The following SNTG1 variants were observed in gnomAD, a reference collection of about 807,000 sequenced individuals.
SNTG1 encodes the protein gamma-1-syntrophin.
A neutral mutation model predicts 74.7 loss-of-function variants in SNTG1; 39 were observed. The observed-to-expected ratio is 0.52, with a 90% confidence interval of 0.40 to 0.68. The LOEUF (loss-of-function observed/expected upper bound fraction) is 0.68. SNTG1 is among the 30% of genes least tolerant of loss of function. The probability of loss-of-function intolerance (pLI) is 0.00; values close to 1 mark genes in which losing one functional copy is unlikely to be tolerated. For synonymous variants in SNTG1, 254 were observed against 217.1 expected (o/e 1.17, Z -1.49); for missense variants, 685 against 609.5 (o/e 1.12, Z -1.30).
chr8:50,167,479 G>A (rs892939718), intron 1 of SNTG1, among the ~76,000 whole-genome samples: 1 of 151,670 alleles, frequency 6.6e-6, no homozygotes, highest in African/African-American at 2.4e-5. Context: ...TCTGGACCGT[G>A]ATTATATGTA....
Position 50,549,965 on chromosome 8 carries a change from G to A in SNTG1, c.681-3085G>A, listed in dbSNP as rs553154954. ...CATAGAACTTCAGCCATATGTGAAA[G>A]TACCGGGATCCACCAATTACTCATC... On this transcript the variant is annotated intron_variant, in intron 11 of 18. Coordinates refer to ENST00000642720, the MANE Select transcript of SNTG1 (RefSeq NM_018967.5). Among the ~76,000 whole-genome samples, 318 of 152,262 alleles carry A rather than the reference G, an allele frequency of 2.1e-3. 5 individuals carry two copies. The highest frequency in any genetic ancestry group is 7.2e-3 in the African/African-American group (301 of 41,566).
chr8:50,426,622 C>T (rs2093167136), intron 4 of SNTG1, among the ~76,000 whole-genome samples: 1 of 151,514 alleles, frequency 6.6e-6, no homozygotes, highest in Non-Finnish European at 1.5e-5. Context: ...TTACAATAGG[C>T]TAAAGTTAAT....
intron 2 of SNTG1, among the ~76,000 whole-genome samples, chr8:50,308,983 G>T (rs2090004677): frequency 1.3e-5 from 2 of 152,018 alleles, no homozygotes; most frequent in African/African-American, 4.8e-5. Flanking sequence ...ACACATCAAA[G>T]ATGACTTTGA....
At position 50,651,229 on chromosome 8, in the gene SNTG1, T is replaced by G. The variant is rs59394077; in HGVS notation, c.850-5680T>G. ...GCCTGCATCCAATACTTCCTTTTTT[T>G]TTGTTTTATTTTGGCTTTTGGGTCT... On this transcript the variant is annotated intron_variant, in intron 13 of 18. Coordinates refer to ENST00000642720, the MANE Select transcript of SNTG1 (RefSeq NM_018967.5). 3.2e-3 allele frequency among the ~76,000 whole-genome samples: 488 copies of G among 152,096 alleles called. 17 individuals carry two copies. The East Asian group carries it at 0.087, about 27-fold the overall frequency.
chr8:50,657,038 T>G lies in SNTG1; in HGVS notation c.966+13T>G. 8.2e-6 allele frequency: 12 copies of G among 1,459,380 alleles called. No individual in the cohort carries two copies. Among genetic ancestry groups the G allele is most frequent in the African/African-American group, 1.4e-5 (1 of 69,256 alleles). 90.4% of individuals were successfully genotyped at this position (1,459,380 alleles called of 1,614,324 possible). A position where few individuals can be genotyped will look rare whatever the true frequency, so the allele number is the denominator to read the frequency against. On this transcript the variant is annotated intron_variant, in intron 14 of 18. Coordinates refer to ENST00000642720, the MANE Select transcript of SNTG1 (RefSeq NM_018967.5). ...TCTGGCACCTCCAGTACGTGTTTTATTGAAATGTATTGGTCGTTTCCATAT... is the reference window on the plus strand; with the variant it reads ...TCTGGCACCTCCAGTACGTGTTTTAGTGAAATGTATTGGTCGTTTCCATAT...
chr8:50,399,210 AGT>A (rs5891363), intron 3 of SNTG1, among the ~76,000 whole-genome samples: 105,326 of 150,938 alleles, frequency 0.7, 36,815 homozygotes, highest in East Asian at 0.83. Context: ...TGTGTTTGTG[AGT>A]GTGTGTGTGT....
chr8:50,439,438 G>T (rs2093337351), intron 5 of SNTG1, among the ~76,000 whole-genome samples: 1 of 151,972 alleles, frequency 6.6e-6, no homozygotes, highest in African/African-American at 2.4e-5. Context: ...ATGGAAAGCA[G>T]AACTCTAAAT....
chr8:50,611,316 C>A (rs1043073800), intron 13 of SNTG1, among the ~76,000 whole-genome samples: 4 of 152,116 alleles, frequency 2.6e-5, no homozygotes, highest in Non-Finnish European at 4.4e-5. Context: ...CAACAGGAAG[C>A]TACAGGGCAA....
chr8:49,992,175 A>G (rs1341522402), intron 1 of SNTG1, among the ~76,000 whole-genome samples: 1 of 152,198 alleles, frequency 6.6e-6, no homozygotes, highest in East Asian at 1.9e-4. Flanking sequence ...AGACTTTCCA[A>G]ATTACATTAT....
At chr8:50,393,165 T>C (rs2092684973) in intron 2 of SNTG1, among the ~76,000 whole-genome samples, 1 of 152,120 alleles carries the variant, frequency 6.6e-6, no homozygotes, top group South Asian at 2.1e-4. Context: ...GGGAAATATT[T>C]AATAGATTAT....
In SNTG1 at chr8:50,362,363, G is replaced by A. The variant is rs962570076; in HGVS notation, c.-27-31849G>A. ...GTGAAATTATGTTCAATAAACTAACGCTGTAGCTTTGACCTGGAAAATGAA... is the reference window on the plus strand; with the variant it reads ...GTGAAATTATGTTCAATAAACTAACACTGTAGCTTTGACCTGGAAAATGAA... On this transcript the variant is annotated intron_variant, in intron 2 of 18. Coordinates refer to ENST00000642720, the MANE Select transcript of SNTG1 (RefSeq NM_018967.5). Among the ~76,000 whole-genome samples, 8 of 152,114 alleles carry A rather than the reference G, an allele frequency of 5.3e-5. No homozygotes were observed. In the East Asian group the frequency reaches 7.7e-4, roughly 15 times the overall value.
chr8:50,669,348 A>G (rs183475027), intron 15 of SNTG1, among the ~76,000 whole-genome samples: 2 of 152,150 alleles, frequency 1.3e-5, no homozygotes, highest in African/African-American at 4.8e-5. Context: ...ATAAAAAATG[A>G]TAAAGGGGAT....
intron 3 of SNTG1, among the ~76,000 whole-genome samples, chr8:50,399,980 CA>C (rs1227542329): frequency 6.6e-6 from 1 of 152,080 alleles, no homozygotes; most frequent in Non-Finnish European, 1.5e-5. Context: ...ATACCTTTTA[CA>C]AAATAATTCT....
At chr8:50,536,890 C>A in intron 11 of SNTG1, 82 bp downstream of exon 11, 2 of 1,479,556 alleles carry the variant, frequency 1.4e-6, no homozygotes, top group East Asian at 2.3e-5. Context: ...TATCACAATA[C>A]GCCTTATGAT....
intron 13 of SNTG1, among the ~76,000 whole-genome samples, chr8:50,632,537 T>C (rs1395579138): frequency 6.6e-6 from 1 of 152,126 alleles, no homozygotes; most frequent in Non-Finnish European, 1.5e-5. Context: ...CTGGAACTCC[T>C]GGCCTCAAGT....
At chr8:50,710,872 G>A (rs2095459670) in intron 17 of SNTG1, among the ~76,000 whole-genome samples, 2 of 152,132 alleles carry the variant, frequency 1.3e-5, no homozygotes, top group Non-Finnish European at 2.9e-5. Flanking sequence ...AAGCACCAGA[G>A]GCCTTCAGGA....
At chr8:50,506,100 A>T (rs1207906295) in intron 9 of SNTG1, among the ~76,000 whole-genome samples, 1 of 152,064 alleles carries the variant, frequency 6.6e-6, no homozygotes, top group Non-Finnish European at 1.5e-5. Context: ...TTAATTGAAG[A>T]GAAGACTATT....
rs187880467 is a variant in SNTG1 at position 50,378,037 on chromosome 8, C to G, written c.-27-16175C>G. 3.0e-3 allele frequency among the ~76,000 whole-genome samples: 460 copies of G among 152,346 alleles called. 8 individuals carry two copies. The highest frequency in any genetic ancestry group is 0.027 in the Admixed American group (406 of 15,304). On this transcript the variant is annotated intron_variant, in intron 2 of 18. Transcript: ENST00000642720. ...GTCCACTGGGCTCGTTCCGCCCACT[C>G]GGCCTGGCAGGCTGTGCTTGGCTCA...
At chr8:50,611,515 G>GA (rs1282495302) in intron 13 of SNTG1, among the ~76,000 whole-genome samples, 1 of 151,930 alleles carries the variant, frequency 6.6e-6, no homozygotes, top group Admixed American at 6.6e-5. Flanking sequence ...TTTTTATTCA[G>GA]AAAAAAGGCA....
Sources: gnomAD v4.1 joint callset for allele counts (sites outside exome capture counted in the v4.1 genomes callset) on GRCh38, gnomAD v4.1.1 for gene constraint, MANE v1.5 for transcripts, NCBI Gene and HGNC (gene_info 2026-07-23, HGNC 2026-07-21) for gene names.